NAALADL2: variants seen among roughly 807,000 people sequenced by gnomAD.
NAALADL2 encodes N-acetylated alpha-linked acidic dipeptidase like 2, also known as inactive N-acetylated-alpha-linked acidic dipeptidase-like protein 2.
Under a neutral mutation model 87.2 loss-of-function variants are expected in NAALADL2, and 76 were observed. That is an observed-to-expected ratio of 0.87 (90% confidence interval 0.72 to 1.05). The LOEUF is 1.05. Ranked by LOEUF, NAALADL2 falls within the 50% of genes least tolerant of loss-of-function variation. NAALADL2 has a pLI of 0.00. For synonymous variants in NAALADL2, 354 were observed against 331.0 expected (o/e 1.07, Z -0.75); for missense variants, 1,089 against 945.8 (o/e 1.15, Z -1.99).
At chr3:174,930,474 C>A (rs1302834031) in intron 1 of NAALADL2, among the ~76,000 whole-genome samples, 2 of 151,198 alleles carry the variant, frequency 1.3e-5, no homozygotes, top group Non-Finnish European at 2.9e-5. Flanking sequence ...TGTTGTGTAC[C>A]TTAAAGATAG....
chr3:175,154,818 T>C (rs568973985), intron 2 of NAALADL2, among the ~76,000 whole-genome samples: 1 of 152,272 alleles, frequency 6.6e-6, no homozygotes, highest in East Asian at 1.9e-4. Flanking sequence ...AAATCTCAAA[T>C]GTCTATTTAC....
chr3:175,063,024 CAT>C lies in NAALADL2; in HGVS notation c.44-33763_44-33762del, dbSNP rs372398098. Among the ~76,000 whole-genome samples, 610 of 152,174 alleles carry C rather than the reference CAT, an allele frequency of 4.0e-3. 8 individuals are homozygous for C. The highest frequency in any genetic ancestry group is 0.014 in the African/African-American group (585 of 41,512). ...TGATAATAATGTATTTCATACTTAA[CAT>C]ATTTTTTTCTACATATATTTTTATA... On this transcript the variant is annotated intron_variant, in intron 1 of 13. Coordinates refer to ENST00000454872, the MANE Select transcript of NAALADL2 (RefSeq NM_207015.3).
chr3:174,658,675 A>G (rs1725215789), intron 2 of NAALADL2, among the ~76,000 whole-genome samples: 1 of 152,150 alleles, frequency 6.6e-6, no homozygotes, highest in African/African-American at 2.4e-5. Flanking sequence ...TTTACTTTTA[A>G]TATTTGGCCA....
At chr3:174,610,214 A>G (rs1719667689) in intron 2 of NAALADL2, among the ~76,000 whole-genome samples, 1 of 151,426 alleles carries the variant, frequency 6.6e-6, no homozygotes, top group Non-Finnish European at 1.5e-5. Context: ...TAAAAACCCT[A>G]GAAGAAAACC....
In NAALADL2 at chr3:174,825,807, A is replaced by C. The variant is rs554598288; in HGVS notation, c.-9+88061A>C. 1.8e-4 allele frequency among the ~76,000 whole-genome samples: 27 copies of C among 152,154 alleles called. No homozygotes were observed. In the South Asian group the frequency reaches 5.6e-3, roughly 32 times the overall value. On this transcript the variant is annotated intron_variant, in intron 3 of 3. Transcript: ENST00000434257. ...CTTTGGGAGGCCGAGGTGGGCAGAT[A>C]ACGAGGTCAGGAGATTGAGACCATC...
chr3:174,517,653 G>A (rs1255296081), intron 1 of NAALADL2, among the ~76,000 whole-genome samples: 3 of 151,998 alleles, frequency 2.0e-5, no homozygotes, highest in African/African-American at 7.2e-5. Context: ...GGAGAGAAGA[G>A]ATTTGAGTTG....
intron 1 of NAALADL2, among the ~76,000 whole-genome samples, chr3:174,921,144 G>GA (rs369805190): frequency 6.6e-6 from 1 of 152,090 alleles, no homozygotes; most frequent in Non-Finnish European, 1.5e-5. Flanking sequence ...CATGCTATTG[G>GA]AAAAAAATGG....
At chr3:175,658,678 G>A (rs887094961) in intron 11 of NAALADL2, among the ~76,000 whole-genome samples, 1 of 152,078 alleles carries the variant, frequency 6.6e-6, no homozygotes, top group Non-Finnish European at 1.5e-5. Flanking sequence ...CTCAAATGCA[G>A]AAATATATGT....
chr3:175,666,523 C>T (rs1402674019), intron 11 of NAALADL2, among the ~76,000 whole-genome samples: 2 of 152,084 alleles, frequency 1.3e-5, no homozygotes, highest in Non-Finnish European at 2.9e-5. Context: ...TTTCTCAAAT[C>T]GTGTGCATAT....
At chr3:174,910,897 G>A (rs1733602554) in intron 1 of NAALADL2, among the ~76,000 whole-genome samples, 1 of 152,072 alleles carries the variant, frequency 6.6e-6, no homozygotes, top group Non-Finnish European at 1.5e-5. Flanking sequence ...AACAGAAGAG[G>A]TAGGGGCTGT....
intron 1 of NAALADL2, among the ~76,000 whole-genome samples, chr3:174,464,492 T>C (rs552678063): frequency 1.7e-4 from 26 of 151,916 alleles, no homozygotes; most frequent in African/African-American, 6.0e-4. Context: ...CTAAATAAAA[T>C]AGAAACTTAT....
intron 2 of NAALADL2, among the ~76,000 whole-genome samples, chr3:175,199,833 TATATATATATATATATATA>T (rs1739571577): frequency 1.7e-4 from 2 of 12,042 alleles, no homozygotes; most frequent in Non-Finnish European, 3.1e-4. Flanking sequence ...TATATATATA[TATATATATATATATATATA>T]TATATATATA....
At chr3:175,538,592 T>C (rs139108100) in intron 9 of NAALADL2, among the ~76,000 whole-genome samples, 2,106 of 152,302 alleles carry the variant, frequency 0.014, 21 homozygotes, top group Non-Finnish European at 0.021. Flanking sequence ...TAGGAATAGA[T>C]AGATAGAGAT....
chr3:175,775,894 A>G (rs2150194615), intron 13 of NAALADL2, among the ~76,000 whole-genome samples: 1 of 152,262 alleles, frequency 6.6e-6, no homozygotes, highest in Non-Finnish European at 1.5e-5. Context: ...AATAAATTCT[A>G]TTAATAGAAT....
intron 5 of NAALADL2, among the ~76,000 whole-genome samples, chr3:175,390,324 A>C (rs928981268): frequency 2.0e-5 from 3 of 152,162 alleles, no homozygotes; most frequent in Non-Finnish European, 4.4e-5. Flanking sequence ...ACCTCTGGCC[A>C]TTCTATAGAA....
chr3:174,706,641 T>C (rs965027431), intron 2 of NAALADL2, among the ~76,000 whole-genome samples: 1 of 152,210 alleles, frequency 6.6e-6, no homozygotes, highest in Non-Finnish European at 1.5e-5. Context: ...TTTAGTTTAA[T>C]TAGATCCCAT....
chr3:175,466,083 T>G (rs1167572864), intron 7 of NAALADL2, among the ~76,000 whole-genome samples: 1 of 152,198 alleles, frequency 6.6e-6, no homozygotes, highest in Non-Finnish European at 1.5e-5. Flanking sequence ...ACTAGTGACT[T>G]GCACAGCCTG....
At chr3:175,010,532 T>C (rs1749644533) in intron 1 of NAALADL2, among the ~76,000 whole-genome samples, 1 of 152,220 alleles carries the variant, frequency 6.6e-6, no homozygotes, top group Admixed American at 6.5e-5. Flanking sequence ...TTAAGTGGTC[T>C]ATTTTCTCTC....
At chr3:175,242,964 C>T (rs1234587066) in intron 3 of NAALADL2, among the ~76,000 whole-genome samples, 1 of 152,100 alleles carries the variant, frequency 6.6e-6, no homozygotes, top group Non-Finnish European at 1.5e-5. Flanking sequence ...TTGATTCAAT[C>T]TGCTTAGCAA....
Sources: allele counts gnomAD v4.1 joint callset (sites outside exome capture counted in the v4.1 genomes callset), GRCh38; gene constraint gnomAD v4.1.1; transcripts MANE v1.5; gene names NCBI Gene and HGNC (gene_info 2026-07-23, HGNC 2026-07-21).